TNNI3K: variants seen among roughly 807,000 people sequenced by gnomAD.
The protein encoded by TNNI3K is TNNI3 interacting kinase.
TNNI3K carries 140 observed loss-of-function variants against 114.5 expected under a neutral mutation model. The ratio of observed to expected loss-of-function variants is 1.22; its 90% CI spans 1.07 to 1.41. The LOEUF is 1.41. Among genes scored for constraint, TNNI3K ranks in the 40% most tolerant of loss-of-function variants. The pLI is 0.00. For synonymous variants in TNNI3K, 347 were observed against 347.5 expected, an observed-to-expected ratio of 1.00 and a Z score of 0.02; for missense variants, 1,125 against 1,007.6, an observed-to-expected ratio of 1.12 and a Z score of -1.58.
At chr1:74,511,110 A>G (rs1471486585) in intron 23 of TNNI3K, among the ~76,000 whole-genome samples, 2 of 151,504 alleles carry the variant, frequency 1.3e-5, no homozygotes, top group African/African-American at 4.9e-5. Flanking sequence ...CTGGTCTGGA[A>G]CTCCTGGTGA....
intron 21 of TNNI3K, chr1:74,472,042 C>T: frequency 1.4e-6 from 1 of 710,468 alleles, no homozygotes; most frequent in East Asian, 2.7e-5. Context: ...GGATGATGAG[C>T]TTGTAATAAA....
At chr1:74,521,595 G>A (rs45614131) in intron 23 of TNNI3K, among the ~76,000 whole-genome samples, 22 of 151,888 alleles carry the variant, frequency 1.4e-4, no homozygotes, top group East Asian at 3.9e-4. Flanking sequence ...CTTTTTCTGC[G>A]TTCCTTTATT....
rs142554922 is a variant in TNNI3K, at chr1:74,483,342, C to T, written c.2122-5847C>T. ...TGACTCAGGGCAAGCTGCCACCAAC[C>T]GCAACATGATGGCAAAGAGTACCAG... is the stretch of plus-strand genomic sequence containing the variant. On this transcript the variant is annotated intron_variant, in intron 21 of 24. Coordinates refer to ENST00000326637, the MANE Select transcript of TNNI3K (RefSeq NM_015978.3). 1.3e-3 allele frequency: 944 copies of T among 717,332 alleles called. 8 individuals carry two copies. The highest frequency in any genetic ancestry group is 7.5e-3 in the African/African-American group (428 of 57,320). The allele number at this position is 717,332 out of a possible 1,614,324, so 44.4% of individuals were successfully genotyped here.
rs540390319 is a variant in TNNI3K, at chr1:74,465,478, G to A, written c.2121+1928G>A. ...CGCACCGTGCTCAAATTCTCACCAG[G>A]CCTCAGCTGCCTCCCCACACGGCAG... On this transcript the variant is annotated intron_variant, in intron 21 of 24. Transcript: ENST00000326637. Among the ~76,000 whole-genome samples, 129 of 152,306 alleles carry A rather than the reference G, an allele frequency of 8.5e-4. 1 individual carries two copies. The South Asian group carries it at 8.7e-3, about 10-fold the overall frequency.
At chr1:74,429,907 T>A (rs779773961) in intron 17 of TNNI3K, among the ~76,000 whole-genome samples, 7 of 152,116 alleles carry the variant, frequency 4.6e-5, no homozygotes, top group African/African-American at 1.2e-4. Context: ...TGGGAAGCAT[T>A]GCAGTTGTGT....
intron 17 of TNNI3K, among the ~76,000 whole-genome samples, chr1:74,403,393 A>G (rs1043303300): frequency 6.6e-6 from 1 of 152,158 alleles, no homozygotes; most frequent in African/African-American, 2.4e-5. Context: ...ATAGAGTTAT[A>G]TTTTGTTCCA....
In TNNI3K at chr1:74,331,521, T is replaced by C; in HGVS notation, c.516T>C (p.His172=). 3.1e-6 allele frequency: 5 copies of C among 1,613,572 alleles called. No homozygotes were observed. The highest frequency in any genetic ancestry group is 1.7e-6 in the Non-Finnish European group (2 of 1,179,700). ...ATGCAGTTTTTTTCACTCCATTGCA[T>C]ATTGCAGCGTACTATGGACATGAAC... ...IQDAVFFTPL[H]IAAYYGHEQV... The change falls in exon 6 of 25, where the codon CAT becomes CAC. Residue 172 remains histidine (H), a synonymous_variant. Transcript: ENST00000326637.
intron 20 of TNNI3K, among the ~76,000 whole-genome samples, chr1:74,448,527 C>A (rs1383084435): frequency 6.8e-6 from 1 of 146,218 alleles, no homozygotes; most frequent in Non-Finnish European, 1.5e-5. Context: ...GAGAGGGCAT[C>A]CCTGTCTTGT....
intron 20 of TNNI3K, among the ~76,000 whole-genome samples, chr1:74,451,915 T>A (rs1415536011): frequency 1.3e-5 from 2 of 151,790 alleles, no homozygotes; most frequent in African/African-American, 4.8e-5. Context: ...TCATTTGAAC[T>A]TCTGAAATTG....
chr1:74,244,915 A>G (rs1032047738), intron 2 of TNNI3K, among the ~76,000 whole-genome samples: 3 of 151,968 alleles, frequency 2.0e-5, no homozygotes, highest in African/African-American at 7.3e-5. Flanking sequence ...GAGTCTCTCC[A>G]CTGTTGAAAA....
intron 20 of TNNI3K, among the ~76,000 whole-genome samples, chr1:74,456,386 C>T (rs1200958796): frequency 2.0e-5 from 3 of 152,066 alleles, no homozygotes; most frequent in Non-Finnish European, 4.4e-5. Context: ...AGAGAAGAAC[C>T]AGGCAAGATG....
chr1:74,499,273 C>T (rs1669488166), intron 23 of TNNI3K, among the ~76,000 whole-genome samples: 1 of 152,136 alleles, frequency 6.6e-6, no homozygotes, highest in Non-Finnish European at 1.5e-5. Flanking sequence ...TCCTGAGTAG[C>T]TGGGACTACA....
chr1:74,511,783 T>C (rs1670240498), intron 23 of TNNI3K, among the ~76,000 whole-genome samples: 1 of 151,794 alleles, frequency 6.6e-6, no homozygotes, highest in Non-Finnish European at 1.5e-5. Context: ...CCCGTTTCAC[T>C]TGAGTTTGGC....
chr1:74,315,952 A>G lies in TNNI3K; in HGVS notation c.445-15498A>G, dbSNP rs186663736. Among the ~76,000 whole-genome samples, 12 of 152,324 alleles carry G rather than the reference A, an allele frequency of 7.9e-5. No homozygotes were observed. The East Asian group carries it at 2.3e-3, about 29-fold the overall frequency. ...GATATAGGATAATTGTAGAAATTGA[A>G]AGAAGTATAAAATATAGCTTTATGC... On this transcript the variant is annotated intron_variant, in intron 5 of 24. Transcript: ENST00000326637.
intron 19 of TNNI3K, among the ~76,000 whole-genome samples, chr1:74,438,650 C>T (rs932447466): frequency 9.2e-5 from 14 of 152,064 alleles, no homozygotes; most frequent in African/African-American, 3.1e-4. Context: ...CATCTCCTAA[C>T]TCTAAATCCA....
chr1:74,537,904 ACT>A (rs1261628913), intron 23 of TNNI3K, among the ~76,000 whole-genome samples: 2 of 152,096 alleles, frequency 1.3e-5, no homozygotes, highest in Non-Finnish European at 2.9e-5. Flanking sequence ...AAATTTATTA[ACT>A]CTTTTAATTC....
chr1:74,470,992 G>A lies in TNNI3K; in HGVS notation c.2121+7442G>A, dbSNP rs780599948. On this transcript the variant is annotated intron_variant, in intron 21 of 24. Transcript: ENST00000326637. ...ACTTCCTGTATTTTCCCAAGTAGTT[G>A]CTAAATAACTAAGCACTTTTGATTC... The A allele has an allele frequency of 5.0e-5, 20 of 400,566 alleles. No individual in the cohort carries two copies. The highest frequency in any genetic ancestry group is 8.8e-5 in the Admixed American group (2 of 22,716). The allele number at this position is 400,566 out of a possible 1,614,324, so 24.8% of individuals were successfully genotyped here. A position where few individuals can be genotyped will look rare whatever the true frequency, so the allele number is the denominator to read the frequency against.
rs1471972552 is a variant in TNNI3K, at chr1:74,435,939, T to A, written c.1773-141T>A. On this transcript the variant is annotated intron_variant, in intron 17 of 24. Coordinates refer to ENST00000326637, the MANE Select transcript of TNNI3K (RefSeq NM_015978.3). Reference sequence around the variant, plus strand: ...GTTTTGAATCAGCAAAACTAAAAAATTTTGATTTAGCCCTTTGGGGCCCAT... The same window carrying A: ...GTTTTGAATCAGCAAAACTAAAAAAATTTGATTTAGCCCTTTGGGGCCCAT... The A allele has an allele frequency of 3.7e-5, 39 of 1,062,878 alleles. No individual in the cohort carries two copies. In the East Asian group the frequency reaches 9.1e-4, roughly 25 times the overall value. The allele number at this position is 1,062,878 out of a possible 1,614,324, so 65.8% of individuals were successfully genotyped here. A position where few individuals can be genotyped will look rare whatever the true frequency, so the allele number is the denominator to read the frequency against.
intron 4 of TNNI3K, among the ~76,000 whole-genome samples, chr1:74,267,837 A>G (rs976560745): frequency 9.9e-5 from 15 of 152,054 alleles, no homozygotes; most frequent in African/African-American, 3.4e-4. Flanking sequence ...GAATCCTAAT[A>G]TACTTTAAAA....
Sources: gnomAD v4.1 joint callset for allele counts (sites outside exome capture counted in the v4.1 genomes callset) on GRCh38, gnomAD v4.1.1 for gene constraint, MANE v1.5 for transcripts, NCBI Gene and HGNC (gene_info 2026-07-23, HGNC 2026-07-21) for gene names.